Variants in TYK2 observed in about 807,000 individuals in gnomAD.
TYK2 encodes tyrosine kinase 2, also known as non-receptor tyrosine-protein kinase TYK2.
In TYK2, 65 loss-of-function variants were observed where a neutral mutation model predicts 130.9. The ratio of observed to expected loss-of-function variants is 0.50; its 90% CI spans 0.41 to 0.61. TYK2 has a LOEUF of 0.61. TYK2 is among the 20% of genes least tolerant of loss of function. The pLI is 0.00. For missense variants in TYK2, 1,378 were observed against 1,610.7 expected (o/e 0.86, Z 2.47); for synonymous variants, 647 against 658.9 (o/e 0.98, Z 0.28).
intron 3 of TYK2, among the ~76,000 whole-genome samples, chr19:10,374,037 T>C (rs949220981): frequency 1.3e-5 from 2 of 150,692 alleles, no homozygotes. Flanking sequence ...GAGGCTGAGG[T>C]GGGCGGATCA....
In TYK2 at chr19:10,352,472, G is replaced by C; in HGVS notation, c.3280C>G (p.Leu1094Val). 1 of 1,610,548 alleles carries C rather than the reference G, an allele frequency of 6.2e-7. No homozygotes were observed. The highest frequency in any genetic ancestry group is 1.7e-5 in the Admixed American group (1 of 59,404). Reference protein sequence around the residue: ...VWSFGVTLYELLTHCDSSQSP... With the variant: ...VWSFGVTLYEVLTHCDSSQSP... ...TGGCTGGAGTCACAGTGCGTCAGCAGCTCATACAGGGTCACCCCGAAGGAC... is the reference window on the plus strand; with the variant it reads ...TGGCTGGAGTCACAGTGCGTCAGCACCTCATACAGGGTCACCCCGAAGGAC... The change falls in exon 23 of 25, where the codon CTG (leucine) becomes GTG (valine). Residue 1094 changes from leucine to valine, a missense_variant. Transcript: ENST00000525621.
At position 10,353,473 on chromosome 19, in the gene TYK2, G is replaced by T; in HGVS notation, c.3027+55C>A. 1.5e-6 allele frequency: 2 copies of T among 1,329,332 alleles called. No individual in the cohort carries two copies. Among genetic ancestry groups the T allele is most frequent in the Non-Finnish European group, 2.0e-6 (2 of 987,742 alleles). The allele number at this position is 1,329,332 out of a possible 1,614,324, so 82.3% of individuals were successfully genotyped here. A position where few individuals can be genotyped will look rare whatever the true frequency, so the allele number is the denominator to read the frequency against. On this transcript the variant is annotated intron_variant, in intron 21 of 24. Transcript: ENST00000525621. This position sits in a 1 kb window ranked among gnomAD's most constrained non-coding sequence, Gnocchi z 6.9. ...AGACTGCACCGGATCGCTCAGGCCA[G>T]CCCAAGCTGAAGAGGAAGGGGCAAG...
At chr19:10,375,204 G>A (rs1449726696) in intron 3 of TYK2, among the ~76,000 whole-genome samples, 6 of 152,104 alleles carry the variant, frequency 3.9e-5, no homozygotes, top group Admixed American at 3.9e-4. Flanking sequence ...CATCAATGGG[G>A]AAGTAGGAAG....
intron 5 of TYK2, 118 bp from the exon 6 acceptor site, chr19:10,366,698 A>C (rs113474996): frequency 2.6e-5 from 27 of 1,046,038 alleles, no homozygotes; most frequent in Non-Finnish European, 4.0e-5. Flanking sequence ...TGGGCCCTAC[A>C]TAAAATACAC....
At chr19:10,366,839 G>A (rs1599353902) in intron 5 of TYK2, among the ~76,000 whole-genome samples, 1 of 151,874 alleles carries the variant, frequency 6.6e-6, no homozygotes, top group African/African-American at 2.4e-5. Context: ...GAGGTCAGGA[G>A]TTTGAGACCA....
rs12720263 is a variant in TYK2 at position 10,366,456 on chromosome 19, C to A, written c.590G>T (p.Arg197Leu). Reference protein sequence around the residue: ...AFLHLCHLALRHGIPLEEVAK... With the variant: ...AFLHLCHLALLHGIPLEEVAK... ...CACCTCCTCCAGGGGGATGCCATGGCGGAGAGCGAGGTGACAGAGGTGCAG... is the reference window on the plus strand; with the variant it reads ...CACCTCCTCCAGGGGGATGCCATGGAGGAGAGCGAGGTGACAGAGGTGCAG... The change falls in exon 6 of 25, where the codon CGC (arginine) becomes CTC (leucine). Residue 197 changes from arginine (R) to leucine (L), a missense_variant. Transcript: ENST00000525621. The A allele has an allele frequency of 1.7e-5, 27 of 1,614,052 alleles. No individual in the cohort carries two copies. The highest frequency in any genetic ancestry group is 2.2e-5 in the Non-Finnish European group (26 of 1,180,002).
chr19:10,370,447 G>A (rs1012846792), intron 3 of TYK2, among the ~76,000 whole-genome samples: 1 of 151,852 alleles, frequency 6.6e-6, no homozygotes, highest in African/African-American at 2.4e-5. Flanking sequence ...CCGGGAGGTG[G>A]AGGGTGCAGT....
rs774043670 is a variant in TYK2 at position 10,368,222 on chromosome 19, A to T, written c.318-20T>A. 41 of 1,614,058 alleles carry T rather than the reference A, an allele frequency of 2.5e-5. No individual in the cohort carries two copies. Among genetic ancestry groups the T allele is most frequent in the Non-Finnish European group, 3.2e-5 (38 of 1,180,038 alleles). On this transcript the variant is annotated intron_variant, in intron 4 of 24. Transcript: ENST00000525621. Reference sequence around the variant, plus strand: ...TAAAACCTGCAGGAAGGAGGGACGCAGCTGGGGCTTAGCACAGAGTCAGAC... The same window carrying T: ...TAAAACCTGCAGGAAGGAGGGACGCTGCTGGGGCTTAGCACAGAGTCAGAC...
chr19:10,363,313 C>A (rs2041501506), intron 9 of TYK2, among the ~76,000 whole-genome samples: 1 of 151,890 alleles, frequency 6.6e-6, no homozygotes, highest in South Asian at 2.1e-4. Context: ...CCTCAGCCTC[C>A]TGAGGAGCCA....
chr19:10,370,242 C>T (rs1568341685), intron 3 of TYK2, among the ~76,000 whole-genome samples: 1 of 151,904 alleles, frequency 6.6e-6, no homozygotes, highest in Non-Finnish European at 1.5e-5. Context: ...GCCTGTAATT[C>T]CAGCTACTTG....
intron 3 of TYK2, among the ~76,000 whole-genome samples, chr19:10,376,574 T>C (rs1379618255): frequency 3.0e-4 from 29 of 97,980 alleles, no homozygotes; most frequent in African/African-American, 5.3e-4. Context: ...TCTGAAAGTG[T>C]TGGGATTACA....
chr19:10,380,553 C>G lies in TYK2; in HGVS notation c.-359G>C, dbSNP rs763257909. 1.3e-5 allele frequency: 2 copies of G among 152,488 alleles called. No homozygotes were observed. The highest frequency in any genetic ancestry group is 4.8e-5 in the African/African-American group (2 of 41,480). The allele number at this position is 152,488 out of a possible 1,614,324, so 9.4% of individuals were successfully genotyped here. ...GCTCGAACCCGGACCCCTCCCCGCT[C>G]CCGCGGGTAGCTACTGCTTGTCCCC... is the stretch of plus-strand genomic sequence containing the variant. On this transcript the variant is annotated 5_prime_UTR_variant, in exon 1 of 25. Coordinates refer to ENST00000525621, the MANE Select transcript of TYK2 (RefSeq NM_003331.5).
intron 18 of TYK2, among the ~76,000 whole-genome samples, chr19:10,354,838 C>T (rs144313347): frequency 8.8e-4 from 133 of 151,668 alleles, no homozygotes; most frequent in African/African-American, 3.0e-3. Context: ...TCACTTGAGC[C>T]CGGGAGTTCA....
chr19:10,355,935 C>T (rs2041078807), intron 18 of TYK2, among the ~76,000 whole-genome samples: 1 of 151,752 alleles, frequency 6.6e-6, no homozygotes, highest in Admixed American at 6.6e-5. Flanking sequence ...GCACTCCAGC[C>T]TGGCAACAGA....
intron 22 of TYK2, 111 bp downstream of exon 22, chr19:10,352,815 G>A: frequency 2.9e-6 from 4 of 1,383,900 alleles, no homozygotes; most frequent in Non-Finnish European, 1.9e-6. Context: ...GCTAGGCCCC[G>A]CCGCGCTTCA....
intron 9 of TYK2, among the ~76,000 whole-genome samples, chr19:10,363,893 G>C (rs1259399631): frequency 6.6e-6 from 1 of 152,184 alleles, no homozygotes; most frequent in Non-Finnish European, 1.5e-5. Context: ...CCCCTCCCCT[G>C]GCATCACAGG....
At chr19:10,378,101 A>AGTGGGTGGATGG (rs1347967366) in intron 3 of TYK2, 113 bp downstream of exon 3, 11 of 861,562 alleles carry the variant, frequency 1.3e-5, no homozygotes, top group East Asian at 3.1e-5. Flanking sequence ...TGGATGGATG[A>AGTGGGTGGATGG]GTGGGTGGAT....
chr19:10,378,830 TTTATA>T (rs1296203004), intron 2 of TYK2, among the ~76,000 whole-genome samples: 16 of 130,426 alleles, frequency 1.2e-4, no homozygotes, highest in South Asian at 2.5e-4. Context: ...GACGTTTTAT[TTTATA>T]TCTTATCTTA....
Position 10,356,251 on chromosome 19 carries a change from C to T in TYK2, c.2617+317G>A, listed in dbSNP as rs983965445. On this transcript the variant is annotated intron_variant, in intron 18 of 24. Transcript: ENST00000525621. ...AAAATTAGCCGGGCATGGTGGCACACGCTTGTAATCCCAGCTACTTGGGAG... is the reference window on the plus strand; with the variant it reads ...AAAATTAGCCGGGCATGGTGGCACATGCTTGTAATCCCAGCTACTTGGGAG... Among the ~76,000 whole-genome samples the T allele has an allele frequency of 3.9e-5, 6 of 152,070 alleles. 1 individual carries two copies. The highest frequency in any genetic ancestry group is 7.2e-5 in the African/African-American group (3 of 41,424).
Sources: gnomAD v4.1 joint callset for allele counts (sites outside exome capture counted in the v4.1 genomes callset) on GRCh38, gnomAD v4.1.1 for gene constraint, Gnocchi (gnomAD v3.1) non-coding constraint, MANE v1.5 for transcripts, NCBI Gene and HGNC (gene_info 2026-07-23, HGNC 2026-07-21) for gene names.